NHSL1: variants seen among roughly 807,000 people sequenced by gnomAD.
NHSL1 encodes NHS like 1.
NHSL1 carries 48 observed loss-of-function variants against 95.0 expected under a neutral mutation model. The ratio of observed to expected loss-of-function variants is 0.51; its 90% confidence interval spans 0.40 to 0.64. NHSL1 has a LOEUF of 0.64. Ranked by LOEUF, NHSL1 falls within the 30% of genes least tolerant of loss-of-function variation. The pLI is 0.00. For missense variants in NHSL1, 1,971 were observed against 2,077.7 expected, an observed-to-expected ratio of 0.95 and a Z score of 1.00; for synonymous variants, 783 against 833.9, an observed-to-expected ratio of 0.94 and a Z score of 1.05.
upstream of NHSL1, among the ~76,000 whole-genome samples, chr6:138,500,440 A>G (rs1372274056): frequency 6.6e-6 from 1 of 152,240 alleles, no homozygotes; most frequent in African/African-American, 2.4e-5. Context: ...ATAGATCCGG[A>G]AATACTATGA....
At chr6:138,668,626 C>CTTTTTT (rs1231203513) in intron 1 of NHSL1, among the ~76,000 whole-genome samples, 1 of 130,438 alleles carries the variant, frequency 7.7e-6, no homozygotes, top group Non-Finnish European at 1.6e-5. Context: ...ATTTTTTTTT[C>CTTTTTT]TTTTTTTTTT....
chr6:138,530,454 A>T (rs9495111), intron 1 of NHSL1, among the ~76,000 whole-genome samples: 3,322 of 152,342 alleles, frequency 0.022, 105 homozygotes, highest in African/African-American at 0.077. Context: ...AGAGGTCATT[A>T]TATGAAAAAG....
intron 1 of NHSL1, among the ~76,000 whole-genome samples, chr6:138,609,911 G>A (rs1449715360): frequency 6.6e-6 from 1 of 152,160 alleles, no homozygotes; most frequent in Non-Finnish European, 1.5e-5. Context: ...GGCTGTAGTA[G>A]TAGATGGTGA....
At chr6:138,526,323 A>T in intron 1 of NHSL1, among the ~76,000 whole-genome samples, 1 of 152,042 alleles carries the variant, frequency 6.6e-6, no homozygotes, top group East Asian at 1.9e-4. Flanking sequence ...TCTCTAAAAC[A>T]TACAAAAATT....
rs2128225218 is a variant in NHSL1, at chr6:138,452,294, C to T, written c.340-5101G>A. Among the ~76,000 whole-genome samples, 3 of 152,260 alleles carry T rather than the reference C, an allele frequency of 2.0e-5. No homozygotes were observed. The South Asian group carries it at 6.2e-4, about 32-fold the overall frequency. ...GCATTTTAGAGACTTCTAGGTTCTA[C>T]CCGGAAATCAGACAAGCTCTCACCA... On this transcript the variant is annotated intron_variant, in intron 3 of 7. Transcript: ENST00000343505.
chr6:138,594,292 G>A (rs1784272386), intron 1 of NHSL1, among the ~76,000 whole-genome samples: 1 of 152,162 alleles, frequency 6.6e-6, no homozygotes, highest in South Asian at 2.1e-4. Context: ...AGGACAAGGT[G>A]GGAGTATCTA....
chr6:138,453,415 A>G (rs1381511160), intron 3 of NHSL1, among the ~76,000 whole-genome samples: 1 of 151,686 alleles, frequency 6.6e-6, no homozygotes, highest in African/African-American at 2.4e-5. Flanking sequence ...AGTGCAGCAC[A>G]GTGATTACAG....
chr6:138,426,544 T>C (rs1407650832), intron 7 of NHSL1, among the ~76,000 whole-genome samples: 1 of 152,198 alleles, frequency 6.6e-6, no homozygotes, highest in Non-Finnish European at 1.5e-5. Flanking sequence ...GTGATAGCCA[T>C]AATTGGTCAG....
intron 2 of NHSL1, among the ~76,000 whole-genome samples, chr6:138,477,053 C>T (rs1356885411): frequency 6.6e-6 from 1 of 150,578 alleles, no homozygotes; most frequent in Non-Finnish European, 1.5e-5. Flanking sequence ...ACTTATGCTG[C>T]TAAATTAACT....
At chr6:138,449,511 C>T (rs1387834570) in intron 3 of NHSL1, among the ~76,000 whole-genome samples, 1 of 151,924 alleles carries the variant, frequency 6.6e-6, no homozygotes, top group African/African-American at 2.4e-5. Flanking sequence ...CCCGTCTCTA[C>T]TAAAATAAAA....
intron 2 of NHSL1, among the ~76,000 whole-genome samples, chr6:138,486,056 G>A (rs1299604817): frequency 6.6e-6 from 1 of 152,042 alleles, no homozygotes; most frequent in Non-Finnish European, 1.5e-5. Flanking sequence ...GACAGAGGCC[G>A]CAACCTCCGA....
chr6:138,534,410 G>C (rs1318317590), intron 1 of NHSL1, among the ~76,000 whole-genome samples: 1 of 152,030 alleles, frequency 6.6e-6, no homozygotes, highest in African/African-American at 2.4e-5. Flanking sequence ...CAGTGAGTTG[G>C]GTTGGATCCT....
At chr6:138,452,184 C>T (rs1777281510) in intron 3 of NHSL1, among the ~76,000 whole-genome samples, 2 of 152,138 alleles carry the variant, frequency 1.3e-5, no homozygotes, top group Non-Finnish European at 2.9e-5. Context: ...GCCATGATTC[C>T]TTGTGTCAAA....
At chr6:138,545,695 T>A in exon 1 of NHSL1, 1 of 1,286,148 alleles carries the variant, frequency 7.8e-7, no homozygotes, top group East Asian at 5.6e-5. Flanking sequence ...CCTGCAGTGC[T>A]AGGCACAGCT....
intron 1 of NHSL1, among the ~76,000 whole-genome samples, chr6:138,565,695 C>T (rs183691320): frequency 6.1e-4 from 92 of 151,936 alleles, no homozygotes; most frequent in Admixed American, 1.3e-3. Flanking sequence ...GAGGCCAAGG[C>T]AGGAGGATCA....
chr6:138,464,713 T>C (rs1778237468), intron 3 of NHSL1, among the ~76,000 whole-genome samples: 1 of 139,998 alleles, frequency 7.1e-6, no homozygotes, highest in Non-Finnish European at 1.5e-5. Context: ...TTTTTTTCTT[T>C]TCTTTTTTTT....
At chr6:138,525,461 G>A (rs74403968) in intron 1 of NHSL1, among the ~76,000 whole-genome samples, 9 of 151,650 alleles carry the variant, frequency 5.9e-5, no homozygotes, top group Admixed American at 2.0e-4. Flanking sequence ...CCAGGAAGTC[G>A]AGGATGTAGT....
chr6:138,653,198 C>T (rs747064369), intron 1 of NHSL1, among the ~76,000 whole-genome samples: 11 of 152,166 alleles, frequency 7.2e-5, no homozygotes, highest in Non-Finnish European at 1.5e-4. Context: ...ACTTTCCACA[C>T]CTATTATATT....
chr6:138,560,713 T>G (rs1783379215), intron 1 of NHSL1, among the ~76,000 whole-genome samples: 5 of 152,128 alleles, frequency 3.3e-5, no homozygotes, highest in Admixed American at 3.3e-4. Context: ...CAAATTGCCT[T>G]GTGTCTGCTT....
Sources: gnomAD v4.1 joint callset for allele counts (sites outside exome capture counted in the v4.1 genomes callset) on GRCh38, gnomAD v4.1.1 for gene constraint, MANE v1.5 for transcripts, NCBI Gene and HGNC (gene_info 2026-07-23, HGNC 2026-07-21) for gene names.